Variants in SAMD11 observed in about 807,000 individuals in gnomAD.
SAMD11 encodes the protein sterile alpha motif domain-containing protein 11.
SAMD11 carries 77 observed loss-of-function variants against 64.4 expected under a neutral mutation model. The observed-to-expected ratio is 1.20, with a 90% CI of 0.99 to 1.44. The LOEUF (loss-of-function observed/expected upper bound fraction) is 1.44, where lower values mean the gene tolerates loss of function less well. Among genes scored for constraint, SAMD11 ranks in the 40% most tolerant of loss-of-function variants. The pLI is 0.00. For synonymous variants in SAMD11, 658 were observed against 421.9 expected (o/e 1.56, Z -6.86); for missense variants, 1,402 against 943.3 (o/e 1.49, Z -6.37).
chr1:930,027 C>T (rs781492279), intron 2 of SAMD11, 128 bp from the exon 3 acceptor site: 9 of 1,133,408 alleles, frequency 7.9e-6, no homozygotes, highest in African/African-American at 3.2e-5. Flanking sequence ...GCTTGGGGCT[C>T]GGCCTGGGGT....
chr1:943,524 ACCTT>A, intron 12 of SAMD11, 147 bp downstream of exon 12: 1 of 664,982 alleles, frequency 1.5e-6, no homozygotes. Context: ...TGTGCACCCC[ACCTT>A]TTTTTTTTTT....
At position 930,270 on chromosome 1, in the gene SAMD11, C is replaced by A; in HGVS notation, c.725C>A (p.Pro242His). The change falls in exon 3 of 14, where the codon CCC becomes CAC. Residue 242 changes from proline (P) to histidine (H), a missense_variant. Pro to His is a moderately conservative substitution (Grantham distance 77, BLOSUM62 -2). Transcript: ENST00000616016. ...GATGGTGACAGCGACGGGAGTGGCC[C>A]CACCTGTGGGCGGCGGCCAGGCTTG... ...ASDGDSDGSG[P>H]TCGRRPGLKQ... 6.2e-7 allele frequency: 1 copy of A among 1,608,544 alleles called. No homozygotes were observed. The highest frequency in any genetic ancestry group is 8.5e-7 in the Non-Finnish European group (1 of 1,177,978).
rs201326364 is a variant in SAMD11, at chr1:930,354, G to A, written c.791+18G>A. 6.6e-5 allele frequency: 105 copies of A among 1,585,560 alleles called. No homozygotes were observed. The highest frequency in any genetic ancestry group is 2.8e-4 in the South Asian group (24 of 87,186). On this transcript the variant is annotated intron_variant, in intron 3 of 13. Coordinates refer to ENST00000616016, the MANE Select transcript of SAMD11 (RefSeq NM_001385641.1). ...AAGAGAAGGTACTTGGACCAGGGCC[G>A]GACAGGAAGGCGCAAGGCTCAGATG... is the stretch of plus-strand genomic sequence containing the variant.
At chr1:931,622 T>C (rs1641174233) in intron 4 of SAMD11, among the ~76,000 whole-genome samples, 1 of 152,148 alleles carries the variant, frequency 6.6e-6, no homozygotes, top group Non-Finnish European at 1.5e-5. Flanking sequence ...GAGTCATGGA[T>C]GCTGGGCCTG....
At position 943,312 on chromosome 1, in the gene SAMD11, A is replaced by G. The variant is rs755823919; in HGVS notation, c.2113A>G (p.Lys705Glu). ...GGCCCCAGCCCCTGAGGACGTCACC[A>G]AGTGGACCGTGGATGACGTCTGCAG... Reference protein sequence around the residue: ...EEAPAPEDVTKWTVDDVCSFV... With the variant: ...EEAPAPEDVTEWTVDDVCSFV... The change falls in exon 12 of 14, where the codon AAG becomes GAG. Residue 705 changes from lysine (K) to glutamate (E), a missense_variant. Physicochemically the swap from Lys to Glu is moderately conservative, Grantham distance 56 (BLOSUM62 1). Transcript: ENST00000616016. 11 of 1,611,652 alleles carry G rather than the reference A, an allele frequency of 6.8e-6. No homozygotes were observed. The highest frequency in any genetic ancestry group is 3.3e-4 in the Middle Eastern group (2 of 6,060).
At chr1:931,013 T>C (rs1345508987) in intron 3 of SAMD11, 26 bp from the exon 4 acceptor site, 5 of 1,611,110 alleles carry the variant, frequency 3.1e-6, no homozygotes, top group Middle Eastern at 1.7e-4. Flanking sequence ...CAGAGCAACA[T>C]GGACCTTCTG....
chr1:930,920 C>T lies in SAMD11; in HGVS notation c.792-119C>T, dbSNP rs1490738127. ...GCATGGCAGCCGCCCTCGTTCACTG[C>T]CCAGGGCTGTGGCCCAGCGGGGCAC... On this transcript the variant is annotated intron_variant, in intron 3 of 13. Transcript: ENST00000616016. The T allele has an allele frequency of 6.1e-6, 6 of 990,026 alleles. No homozygotes were observed. The African/African-American group carries it at 7.9e-5, about 13-fold the overall frequency. The allele number at this position is 990,026 out of a possible 1,614,324, so 61.3% of individuals were successfully genotyped here.
chr1:927,773 G>T (rs1393409910), intron 2 of SAMD11, among the ~76,000 whole-genome samples: 1 of 152,244 alleles, frequency 6.6e-6, no homozygotes, highest in African/African-American at 2.4e-5. Flanking sequence ...TCAGATCTGT[G>T]TGCTGTGGCC....
chr1:937,114 C>T (rs942314549), intron 5 of SAMD11, among the ~76,000 whole-genome samples: 11 of 152,166 alleles, frequency 7.2e-5, no homozygotes, highest in Non-Finnish European at 1.3e-4. Flanking sequence ...ATACGCACTC[C>T]GTGTCAGGGT....
chr1:942,176 GC>G lies in SAMD11; in HGVS notation c.1403del (p.Pro468LeufsTer96). The G allele has an allele frequency of 7.0e-7, 1 of 1,433,166 alleles. No individual in the cohort carries two copies. Among genetic ancestry groups the G allele is most frequent in the Non-Finnish European group, 9.2e-7 (1 of 1,088,812 alleles). The allele number at this position is 1,433,166 out of a possible 1,614,324, so 88.8% of individuals were successfully genotyped here. A position where few individuals can be genotyped will look rare whatever the true frequency, so the allele number is the denominator to read the frequency against. On this transcript the variant is annotated frameshift_variant, in exon 9 of 14. Transcript: ENST00000616016. LOFTEE classifies it high-confidence loss of function. ...GCCCCCCTTGCTGTCGCCGCAGAAT[GC>G]CCCTCACGTCGCCCTGGGCCCCCAT... ...QPPPLLSPQN[A>X]PHVALGPHLR...
intron 11 of SAMD11, 93 bp from the exon 12 acceptor site, chr1:943,160 C>T (rs1007409739): frequency 1.8e-4 from 282 of 1,593,456 alleles, no homozygotes; most frequent in Non-Finnish European, 2.3e-4. Context: ...AGGCACCCAT[C>T]CCCCACCTCA....
At chr1:930,596 C>T (rs1641123183) in intron 3 of SAMD11, among the ~76,000 whole-genome samples, 1 of 152,226 alleles carries the variant, frequency 6.6e-6, no homozygotes, top group Admixed American at 6.5e-5. Flanking sequence ...AGGTCTGCAC[C>T]TTCCTGGGCC....
In SAMD11 at chr1:943,995, C is replaced by G. The variant is rs761448939; in HGVS notation, c.2377C>G (p.Arg793Gly). ...GCCACCAACCCTGCGGGCCCCGGAGCGAGAACTCGGCACAGGAGAGCAGCC... is the reference window on the plus strand; with the variant it reads ...GCCACCAACCCTGCGGGCCCCGGAGGGAGAACTCGGCACAGGAGAGCAGCC... Reference protein sequence around the residue: ...LQPPTLRAPERELGTGEQPLS... With the variant: ...LQPPTLRAPEGELGTGEQPLS... The change falls in exon 14 of 14, where the codon CGA becomes GGA. Residue 793 changes from arginine (R) to glycine (G), a missense_variant. Transcript: ENST00000616016. 1.2e-6 allele frequency: 2 copies of G among 1,612,860 alleles called. No homozygotes were observed. The highest frequency in any genetic ancestry group is 8.5e-7 in the Non-Finnish European group (1 of 1,180,010).
In SAMD11 at chr1:944,309, A is replaced by C; in HGVS notation, c.*156A>C. On this transcript the variant is annotated 3_prime_UTR_variant, in exon 14 of 14. Transcript: ENST00000616016. ...CTTCAAAGGAAAGGAACAAATTTTC[A>C]AAGACTTGGGGGAGTGAAGGCAGAG... The C allele has an allele frequency of 1.4e-6, 2 of 1,393,100 alleles. No homozygotes were observed. Among genetic ancestry groups the C allele is most frequent in the South Asian group, 1.8e-5 (1 of 55,430 alleles). The allele number at this position is 1,393,100 out of a possible 1,614,324, so 86.3% of individuals were successfully genotyped here.
At chr1:940,794 C>T (rs1395869371) in intron 7 of SAMD11, among the ~76,000 whole-genome samples, 2 of 152,208 alleles carry the variant, frequency 1.3e-5, no homozygotes, top group Admixed American at 1.3e-4. Flanking sequence ...GCGGTCAGCC[C>T]CTGGCTGGCA....
intron 2 of SAMD11, among the ~76,000 whole-genome samples, chr1:928,212 T>C (rs963667964): frequency 2.0e-5 from 3 of 147,988 alleles, no homozygotes; most frequent in Admixed American, 6.7e-5. Context: ...ACTAACACGG[T>C]GAAACCCGTC....
Position 942,122 on chromosome 1 carries a change from G to T in SAMD11, c.1359-14G>T. 1 of 1,046,486 alleles carries T rather than the reference G, an allele frequency of 9.6e-7. No homozygotes were observed. Among genetic ancestry groups the T allele is most frequent in the Non-Finnish European group, 1.3e-6 (1 of 747,422 alleles). 64.8% of individuals were successfully genotyped at this position (1,046,486 alleles called of 1,614,324 possible). A position where few individuals can be genotyped will look rare whatever the true frequency, so the allele number is the denominator to read the frequency against. ...GGGCGGGGGGGACGCCGCTCATTGC[G>T]CTGCCGTCCACAGGGAGCTGCCTCA... On this transcript the variant is annotated splice_polypyrimidine_tract_variant and intron_variant, in intron 8 of 13. Transcript: ENST00000616016.
intron 2 of SAMD11, among the ~76,000 whole-genome samples, chr1:929,645 C>T (rs1236131591): frequency 6.6e-6 from 1 of 152,230 alleles, no homozygotes; most frequent in Non-Finnish European, 1.5e-5. Flanking sequence ...CATTTGAGTG[C>T]ACGTCCACCA....
chr1:928,129 C>T (rs181220789), intron 2 of SAMD11, among the ~76,000 whole-genome samples: 12 of 152,114 alleles, frequency 7.9e-5, no homozygotes, highest in South Asian at 4.1e-4. Flanking sequence ...TGTGGTGGCG[C>T]ATGCCTGTAA....
Sources: allele counts gnomAD v4.1 joint callset (sites outside exome capture counted in the v4.1 genomes callset), GRCh38; gene constraint gnomAD v4.1.1; transcripts MANE v1.5; gene names NCBI Gene and HGNC (gene_info 2026-07-23, HGNC 2026-07-21).